Variants in SUN3 observed in about 807,000 individuals in gnomAD.
The protein encoded by SUN3 is SUN domain-containing protein 3.
A neutral mutation model predicts 48.2 loss-of-function variants in SUN3; 36 were observed. The observed-to-expected ratio is 0.75, with a 90% CI of 0.57 to 0.99. The LOEUF (loss-of-function observed/expected upper bound fraction) is 0.99. Among genes scored for constraint, SUN3 ranks in the 50% least tolerant of loss-of-function variants. SUN3 has a pLI of 0.00. For synonymous variants in SUN3, 148 were observed against 147.9 expected (o/e 1.00, Z 0.00); for missense variants, 419 against 433.1 (o/e 0.97, Z 0.29).
At chr7:48,028,701 T>C in intron 1 of SUN3, 116 bp downstream of exon 1, 1 of 1,360,798 alleles carries the variant, frequency 7.3e-7, no homozygotes, top group Non-Finnish European at 1.0e-6. Flanking sequence ...AATGATTTTC[T>C]CTATAAAGGG....
At chr7:48,002,358 C>T (rs1789406695) in intron 6 of SUN3, among the ~76,000 whole-genome samples, 1 of 133,496 alleles carries the variant, frequency 7.5e-6, no homozygotes, top group South Asian at 2.1e-4. Flanking sequence ...TGGGGTTTCA[C>T]CGTTTTAGCC....
At chr7:48,011,398 T>C (rs1195855290) in intron 3 of SUN3, among the ~76,000 whole-genome samples, 2 of 152,244 alleles carry the variant, frequency 1.3e-5, no homozygotes, top group South Asian at 2.1e-4. Flanking sequence ...TGGAATGTAG[T>C]GTGGCACATA....
At chr7:48,007,970 C>T (rs776205500) in intron 4 of SUN3, among the ~76,000 whole-genome samples, 9 of 152,050 alleles carry the variant, frequency 5.9e-5, no homozygotes, top group Non-Finnish European at 1.3e-4. Context: ...ATAACAGGCA[C>T]ATGCCACCGC....
In SUN3 at chr7:48,021,966, C is replaced by T. The variant is rs533413553; in HGVS notation, c.184+3911G>A. 1.4e-3 allele frequency among the ~76,000 whole-genome samples: 219 copies of T among 152,208 alleles called. 1 individual carries two copies. The highest frequency in any genetic ancestry group is 4.9e-3 in the African/African-American group (203 of 41,536). ...CATCAGTATATCAAAGAGATATCTG[C>T]GCTCCCATTTGTTGCAGCATTGTTC... is the stretch of plus-strand genomic sequence containing the variant. On this transcript the variant is annotated intron_variant, in intron 2 of 9. Transcript: ENST00000297325.
upstream of SUN3, among the ~76,000 whole-genome samples, chr7:48,031,825 G>T (rs1790259253): frequency 2.5e-5 from 3 of 122,168 alleles, no homozygotes; most frequent in South Asian, 7.9e-4. Flanking sequence ...GAATGAATGT[G>T]ATTTATGCAC....
At chr7:48,029,692 T>C, upstream of SUN3, among the ~76,000 whole-genome samples, 1 of 152,222 alleles carries the variant, frequency 6.6e-6, no homozygotes, top group Non-Finnish European at 1.5e-5. Flanking sequence ...CGTTGTTATA[T>C]GCACATCACA....
intron 6 of SUN3, among the ~76,000 whole-genome samples, chr7:48,001,301 A>G (rs962507314): frequency 1.3e-5 from 2 of 152,050 alleles, no homozygotes; most frequent in African/African-American, 4.8e-5. Flanking sequence ...ATGTGTTCTC[A>G]TCATTTAGCT....
chr7:47,990,466 C>G (rs1789024315), intron 8 of SUN3, among the ~76,000 whole-genome samples: 1 of 152,088 alleles, frequency 6.6e-6, no homozygotes, highest in Admixed American at 6.5e-5. Context: ...TCAATAAATA[C>G]TAAGGGAACT....
rs773631964 is a variant in SUN3 at position 48,018,622 on chromosome 7, CAA to C, written c.185-1259_185-1258del. 27 of 103,910 alleles carry C rather than the reference CAA, an allele frequency of 2.6e-4. No individual in the cohort carries two copies. In the Middle Eastern group the frequency reaches 5.7e-3, roughly 22 times the overall value. The allele number at this position is 103,910 out of a possible 1,614,324, so 6.4% of individuals were successfully genotyped here. ...CTGGCGACAGAGTGAGATTCCATCCCAAAAAAAAAAAAAAAGTTTGAAAATGT... is the reference window on the plus strand; with the variant it reads ...CTGGCGACAGAGTGAGATTCCATCCCAAAAAAAAAAAAAGTTTGAAAATGT... On this transcript the variant is annotated intron_variant, in intron 2 of 9. Coordinates refer to ENST00000297325, the MANE Select transcript of SUN3 (RefSeq NM_001030019.2).
At chr7:48,015,480 G>GGGA (rs1789786914) in intron 3 of SUN3, among the ~76,000 whole-genome samples, 2 of 152,092 alleles carry the variant, frequency 1.3e-5, no homozygotes, top group Admixed American at 6.6e-5. Context: ...CTCTCTTTTG[G>GGGA]GACTTCACAT....
At chr7:48,035,554 G>A in the SUN3 span, 1 of 698,336 alleles carries the variant, frequency 1.4e-6, no homozygotes, top group East Asian at 2.7e-5. This position sits in a 1 kb window ranked among gnomAD's most constrained non-coding sequence, Gnocchi z 4.0. Flanking sequence ...GGTTTGGTTG[G>A]CTGCAGCCAG....
At chr7:48,013,325 T>C (rs574503842) in intron 3 of SUN3, among the ~76,000 whole-genome samples, 66 of 152,334 alleles carry the variant, frequency 4.3e-4, no homozygotes, top group African/African-American at 1.3e-3. Flanking sequence ...ATTTCGAGGA[T>C]AAAGTGTAAT....
Position 48,006,029 on chromosome 7 carries a change from C to A in SUN3, c.517G>T (p.Val173Leu). Residue 173 changes from valine to leucine, a missense_variant, in exon 6 of 10, where the codon GTA (valine) becomes TTA (leucine). By Grantham distance (32) the Val-to-Leu change is conservative (BLOSUM62 1). Transcript: ENST00000297325. ...TGGTCTTCTCTCAACTTTTTAAGTA[C>A]ATAATTGACCAAGTTTGACACTTCC... ...TEEVSNLVNYVLKKLREDQVE... is the reference protein window; with the variant it reads ...TEEVSNLVNYLLKKLREDQVE... 6.2e-7 allele frequency: 1 copy of A among 1,611,680 alleles called. No individual in the cohort carries two copies. The highest frequency in any genetic ancestry group is 8.5e-7 in the Non-Finnish European group (1 of 1,178,744).
At chr7:47,988,312 G>T (rs902062088) in intron 9 of SUN3, among the ~76,000 whole-genome samples, 1 of 152,066 alleles carries the variant, frequency 6.6e-6, no homozygotes, top group African/African-American at 2.4e-5. Context: ...GAGTTTCAGG[G>T]GATTTATAAG....
rs1232408240 is a variant in SUN3 at position 48,028,966 on chromosome 7, G to A, written c.-28C>T. ...TCCCCTACCAAAGAACAAACAGCTG[G>A]TAGGATGAAGAGCAACATTTGTCCT... On this transcript the variant is annotated 5_prime_UTR_variant, in exon 1 of 10. Coordinates refer to ENST00000297325, the MANE Select transcript of SUN3 (RefSeq NM_001030019.2). 1.5e-5 allele frequency: 25 copies of A among 1,613,150 alleles called. No homozygotes were observed. Among genetic ancestry groups the A allele is most frequent in the African/African-American group, 2.7e-5 (2 of 74,878 alleles).
intron 1 of SUN3, among the ~76,000 whole-genome samples, chr7:48,028,316 C>T (rs1209905904): frequency 6.6e-6 from 1 of 151,540 alleles, no homozygotes; most frequent in African/African-American, 2.4e-5. Context: ...CACATATGTT[C>T]TCACTAGAGG....
At chr7:48,009,913 T>C (rs1396473808) in intron 3 of SUN3, among the ~76,000 whole-genome samples, 1 of 152,046 alleles carries the variant, frequency 6.6e-6, no homozygotes, top group East Asian at 1.9e-4. Flanking sequence ...TGAGAAGAAC[T>C]TGGGTCTGGG....
chr7:48,012,179 A>G (rs1161502381), intron 3 of SUN3, among the ~76,000 whole-genome samples: 1 of 152,204 alleles, frequency 6.6e-6, no homozygotes, highest in African/African-American at 2.4e-5. Flanking sequence ...CAGATGTGAA[A>G]ATGTCCAGAG....
chr7:48,005,383 TC>T (rs1053455055), intron 6 of SUN3, among the ~76,000 whole-genome samples: 1 of 152,216 alleles, frequency 6.6e-6, no homozygotes, highest in Non-Finnish European at 1.5e-5. Context: ...AATTTGACTA[TC>T]AATTGATTAA....
Sources: gnomAD v4.1 joint callset for allele counts (sites outside exome capture counted in the v4.1 genomes callset) on GRCh38, gnomAD v4.1.1 for gene constraint, Gnocchi (gnomAD v3.1) non-coding constraint, MANE v1.5 for transcripts, NCBI Gene and HGNC (gene_info 2026-07-23, HGNC 2026-07-21) for gene names.